Variants in DOK5 observed in about 807,000 individuals in gnomAD.
DOK5 encodes the protein downstream of tyrosine kinase 5.
DOK5 carries 27 observed loss-of-function variants against 43.3 expected under a neutral mutation model. The ratio of observed to expected loss-of-function variants is 0.62; its 90% CI spans 0.46 to 0.86. The LOEUF (loss-of-function observed/expected upper bound fraction) is 0.86. DOK5 is among the 40% of genes least tolerant of loss of function. The pLI is 0.00. For synonymous variants in DOK5, 146 were observed against 140.1 expected (o/e 1.04, Z -0.30); for missense variants, 373 against 392.9 (o/e 0.95, Z 0.43).
chr20:54,544,817 A>G (rs1984283431), intron 1 of DOK5, among the ~76,000 whole-genome samples: 1 of 152,192 alleles, frequency 6.6e-6, no homozygotes. Context: ...TTGGTGGTCA[A>G]CAATGCAAAA....
chr20:54,573,943 G>A (rs1020820408), intron 2 of DOK5, among the ~76,000 whole-genome samples: 7 of 152,112 alleles, frequency 4.6e-5, no homozygotes, highest in Admixed American at 3.9e-4. Context: ...AAGAACACAT[G>A]CAGTTGGAAT....
At chr20:54,511,601 G>C (rs1337393912) in intron 1 of DOK5, among the ~76,000 whole-genome samples, 1 of 152,300 alleles carries the variant, frequency 6.6e-6, no homozygotes, top group South Asian at 2.1e-4. Flanking sequence ...ATTTATATTG[G>C]TGATGGTGCA....
intron 1 of DOK5, among the ~76,000 whole-genome samples, chr20:54,519,484 G>T (rs1256481705): frequency 6.6e-6 from 1 of 152,106 alleles, no homozygotes; most frequent in Non-Finnish European, 1.5e-5. Context: ...CTATAAGGAT[G>T]CAAAAGTTAC....
chr20:54,649,684 G>A (rs1197241814), intron 7 of DOK5, among the ~76,000 whole-genome samples: 2 of 152,148 alleles, frequency 1.3e-5, no homozygotes, highest in East Asian at 3.9e-4. Context: ...TTATCTACAG[G>A]GATTGGCAAA....
At chr20:54,534,704 A>G (rs1051762747) in intron 1 of DOK5, among the ~76,000 whole-genome samples, 10 of 152,324 alleles carry the variant, frequency 6.6e-5, no homozygotes, top group Non-Finnish European at 1.2e-4. Flanking sequence ...GATATATTAC[A>G]AATAGTGTGC....
chr20:54,567,611 T>C (rs2146743776), intron 2 of DOK5, among the ~76,000 whole-genome samples: 1 of 152,302 alleles, frequency 6.6e-6, no homozygotes, highest in African/African-American at 2.4e-5. Context: ...TAATATTGGG[T>C]AGAGTGATTC....
chr20:54,600,530 A>C (rs1408090106), intron 5 of DOK5, among the ~76,000 whole-genome samples: 2 of 152,072 alleles, frequency 1.3e-5, no homozygotes, highest in Non-Finnish European at 2.9e-5. Flanking sequence ...GCATGGGAGG[A>C]TGGAGTCCAG....
intron 1 of DOK5, among the ~76,000 whole-genome samples, chr20:54,554,257 T>G (rs16999764): frequency 6.6e-6 from 1 of 152,026 alleles, no homozygotes. Flanking sequence ...TTACCTAGAG[T>G]AGAAATGATC....
chr20:54,551,548 G>C (rs1208365464), intron 1 of DOK5, among the ~76,000 whole-genome samples: 1 of 151,954 alleles, frequency 6.6e-6, no homozygotes, highest in South Asian at 2.1e-4. Flanking sequence ...TTAATATTTA[G>C]GTCTATTTTA....
intron 5 of DOK5, among the ~76,000 whole-genome samples, chr20:54,605,405 C>T (rs1477321426): frequency 6.6e-6 from 1 of 152,216 alleles, no homozygotes; most frequent in Non-Finnish European, 1.5e-5. Flanking sequence ...GGTCTTGAAT[C>T]TTCACAGTAC....
chr20:54,575,320 A>G (rs1422960089), intron 2 of DOK5, among the ~76,000 whole-genome samples: 1 of 152,266 alleles, frequency 6.6e-6, no homozygotes, highest in East Asian at 1.9e-4. Flanking sequence ...ACACACCTTT[A>G]GAAAACATTT....
intron 1 of DOK5, among the ~76,000 whole-genome samples, chr20:54,504,490 TCTC>T (rs1982732293): frequency 6.6e-6 from 1 of 152,146 alleles, no homozygotes; most frequent in South Asian, 2.1e-4. Flanking sequence ...GAATGGAACT[TCTC>T]CTTGACTCAC....
intron 1 of DOK5, among the ~76,000 whole-genome samples, chr20:54,544,755 G>A (rs1477965530): frequency 6.6e-6 from 1 of 152,178 alleles, no homozygotes; most frequent in Non-Finnish European, 1.5e-5. Flanking sequence ...CCACTCCTGG[G>A]TGGGGGCCAC....
intron 1 of DOK5, among the ~76,000 whole-genome samples, chr20:54,500,553 G>C (rs933773510): frequency 1.4e-5 from 2 of 143,828 alleles, no homozygotes; most frequent in Non-Finnish European, 3.0e-5. Context: ...GTCATACCCA[G>C]TGTATTTTTT....
At chr20:54,496,324 T>C (rs527835323) in intron 1 of DOK5, among the ~76,000 whole-genome samples, 5 of 152,334 alleles carry the variant, frequency 3.3e-5, no homozygotes, top group Admixed American at 1.3e-4. Context: ...GCATATTAGC[T>C]GGAGAAAGAC....
intron 5 of DOK5, among the ~76,000 whole-genome samples, chr20:54,596,072 G>A (rs917883925): frequency 6.6e-6 from 1 of 152,084 alleles, no homozygotes; most frequent in Admixed American, 6.5e-5. Flanking sequence ...TTAAATGCAA[G>A]GTAAAATTAC....
At chr20:54,635,629 T>C (rs1450523698) in intron 6 of DOK5, among the ~76,000 whole-genome samples, 2 of 152,208 alleles carry the variant, frequency 1.3e-5, no homozygotes, top group South Asian at 2.1e-4. Context: ...GTTCATCTTA[T>C]ATGTATTGAT....
At chr20:54,557,921 G>T (rs567120678) in intron 2 of DOK5, among the ~76,000 whole-genome samples, 1 of 152,210 alleles carries the variant, frequency 6.6e-6, no homozygotes, top group South Asian at 2.1e-4. Context: ...CATAAAATAC[G>T]GTCTACAAAG....
At chr20:54,636,308 G>GT (rs1287666266) in intron 6 of DOK5, among the ~76,000 whole-genome samples, 2 of 152,208 alleles carry the variant, frequency 1.3e-5, no homozygotes, top group African/African-American at 4.8e-5. Context: ...GAAAGGCCAA[G>GT]TTAGGAGGAT....
Sources: allele counts gnomAD v4.1 joint callset (sites outside exome capture counted in the v4.1 genomes callset), GRCh38; gene constraint gnomAD v4.1.1; transcripts MANE v1.5; gene names NCBI Gene and HGNC (gene_info 2026-07-23, HGNC 2026-07-21).